Variants in ADGRL2 observed in about 807,000 individuals in gnomAD.
ADGRL2 encodes calcium-independent alpha-latrotoxin receptor 2.
A neutral mutation model predicts 157.4 loss-of-function variants in ADGRL2; 44 were observed. That is an observed-to-expected ratio of 0.28 (90% CI 0.22 to 0.36). The LOEUF (loss-of-function observed/expected upper bound fraction) is 0.36. ADGRL2 is among the 10% of genes least tolerant of loss of function. ADGRL2 has a pLI of 1.00. For synonymous variants in ADGRL2, 585 were observed against 624.7 expected (o/e 0.94, Z 0.95); for missense variants, 1,510 against 1,768.9 (o/e 0.85, Z 2.63).
rs1033872488 is a variant in ADGRL2, at chr1:81,502,498, C to T, written c.-248+57409C>T. Reference sequence around the variant, plus strand: ...AGAGGCGGACCCCCATCAACCGAATCCCCATCATGGCCAAACAGATCCTGG... The same window carrying T: ...AGAGGCGGACCCCCATCAACCGAATTCCCATCATGGCCAAACAGATCCTGG... On this transcript the variant is annotated intron_variant, in intron 2 of 24. Coordinates refer to the ADGRL2 transcript ENST00000370721. 2.5e-6 allele frequency: 4 copies of T among 1,614,016 alleles called. No homozygotes were observed. In the Admixed American group the frequency reaches 5.0e-5, roughly 20 times the overall value.
At chr1:81,549,770 G>A (rs1259552237) in intron 2 of ADGRL2, among the ~76,000 whole-genome samples, 5 of 152,118 alleles carry the variant, frequency 3.3e-5, no homozygotes, top group Non-Finnish European at 5.9e-5. Context: ...AGACTAATGG[G>A]CATGAGAGGT....
chr1:81,558,007 G>A (rs564721616), intron 2 of ADGRL2, among the ~76,000 whole-genome samples: 3 of 152,274 alleles, frequency 2.0e-5, no homozygotes, highest in East Asian at 1.9e-4. Flanking sequence ...TAATGAAATC[G>A]CCTGTTGAAT....
intron 1 of ADGRL2, among the ~76,000 whole-genome samples, chr1:81,410,517 A>G (rs892321060): frequency 3.3e-5 from 5 of 152,236 alleles, no homozygotes; most frequent in African/African-American, 1.2e-4. Context: ...TCAGACCAGA[A>G]GAAATCAGGT....
chr1:81,359,429 A>G (rs1269551319), intron 1 of ADGRL2, among the ~76,000 whole-genome samples: 2 of 152,026 alleles, frequency 1.3e-5, no homozygotes, highest in Non-Finnish European at 2.9e-5. Context: ...CCCTAGAGGT[A>G]TATGGGAACA....
chr1:81,361,507 A>C (rs538446670), intron 1 of ADGRL2, among the ~76,000 whole-genome samples: 1 of 151,944 alleles, frequency 6.6e-6, no homozygotes, highest in South Asian at 2.1e-4. Flanking sequence ...TCCTTAAGTA[A>C]GTGCTCCTTA....
intron 1 of ADGRL2, among the ~76,000 whole-genome samples, chr1:81,398,471 C>A (rs574436484): frequency 9.7e-4 from 148 of 152,098 alleles, no homozygotes; most frequent in Non-Finnish European, 1.7e-3. Context: ...TATCGATCTG[C>A]TCTACCAGTG....
At chr1:81,869,742 A>G (rs889120934) in intron 2 of ADGRL2, among the ~76,000 whole-genome samples, 11 of 152,100 alleles carry the variant, frequency 7.2e-5, no homozygotes, top group African/African-American at 2.2e-4. Flanking sequence ...GAATTGAGTA[A>G]TATACATTAT....
At chr1:81,606,212 A>G (rs531840591) in intron 3 of ADGRL2, among the ~76,000 whole-genome samples, 5 of 152,288 alleles carry the variant, frequency 3.3e-5, no homozygotes, top group Admixed American at 3.3e-4. Context: ...CTGAGACTTG[A>G]CTTTCAAAAA....
intron 2 of ADGRL2, among the ~76,000 whole-genome samples, chr1:81,786,313 C>T (rs538793074): frequency 1.3e-5 from 2 of 152,190 alleles, no homozygotes; most frequent in Non-Finnish European, 2.9e-5. Context: ...TACAATGGCT[C>T]ACGCCAATAA....
intron 1 of ADGRL2, among the ~76,000 whole-genome samples, chr1:81,357,253 A>T (rs1376065280): frequency 6.6e-6 from 1 of 152,104 alleles, no homozygotes; most frequent in African/African-American, 2.4e-5. Flanking sequence ...TTATGTTCAT[A>T]GCCTATGAAA....
At chr1:81,694,930 G>C (rs9730374), upstream of ADGRL2, among the ~76,000 whole-genome samples, 2 of 151,932 alleles carry the variant, frequency 1.3e-5, no homozygotes, top group African/African-American at 4.8e-5. Context: ...ATCCCTTTTA[G>C]TAGTATGTGT....
chr1:81,873,039 T>G (rs577415980), intron 2 of ADGRL2, among the ~76,000 whole-genome samples: 1 of 152,232 alleles, frequency 6.6e-6, no homozygotes, highest in Admixed American at 6.5e-5. Context: ...GAATGTAGTT[T>G]AAAATGAAAA....
intron 3 of ADGRL2, among the ~76,000 whole-genome samples, chr1:81,591,774 A>G (rs2081138251): frequency 6.6e-6 from 1 of 152,164 alleles, no homozygotes; most frequent in Non-Finnish European, 1.5e-5. Context: ...GGAGTGCCCC[A>G]TGTGGCAAGA....
At chr1:81,872,238 G>A (rs2093716597) in intron 2 of ADGRL2, among the ~76,000 whole-genome samples, 1 of 152,128 alleles carries the variant, frequency 6.6e-6, no homozygotes, top group African/African-American at 2.4e-5. Flanking sequence ...AGATCAGATG[G>A]TTGTAGATGT....
intron 2 of ADGRL2, among the ~76,000 whole-genome samples, chr1:81,491,090 A>T (rs556839807): frequency 2.0e-5 from 3 of 152,274 alleles, no homozygotes; most frequent in African/African-American, 7.2e-5. Context: ...GCCTTGGGGG[A>T]TTAAATCCCA....
intron 1 of ADGRL2, among the ~76,000 whole-genome samples, chr1:81,728,234 G>T (rs1189254553): frequency 6.6e-6 from 1 of 152,054 alleles, no homozygotes; most frequent in East Asian, 1.9e-4. Context: ...AGTTCTACAG[G>T]GTGAGAAACT....
intron 3 of ADGRL2, among the ~76,000 whole-genome samples, chr1:81,663,171 T>C (rs1384652724): frequency 6.6e-6 from 1 of 151,562 alleles, no homozygotes; most frequent in Non-Finnish European, 1.5e-5. Context: ...AATGCAATTG[T>C]CTTTAACCCT....
chr1:81,382,683 G>A (rs1314698481), intron 1 of ADGRL2, among the ~76,000 whole-genome samples: 4 of 152,166 alleles, frequency 2.6e-5, no homozygotes, highest in African/African-American at 9.7e-5. Flanking sequence ...TCCACCGCCT[G>A]AGCTGAAAGT....
intron 3 of ADGRL2, among the ~76,000 whole-genome samples, chr1:81,626,525 C>T (rs1020649982): frequency 1.3e-5 from 2 of 152,166 alleles, no homozygotes; most frequent in African/African-American, 4.8e-5. Flanking sequence ...CTGCCCCCCT[C>T]GGCTTCCCAA....
Sources: gnomAD v4.1 joint callset for allele counts (sites outside exome capture counted in the v4.1 genomes callset) on GRCh38, gnomAD v4.1.1 for gene constraint, MANE v1.5 for transcripts, NCBI Gene and HGNC (gene_info 2026-07-23, HGNC 2026-07-21) for gene names.